Variants in TEX2 observed in about 807,000 individuals in gnomAD.
TEX2 encodes testis expressed 2, also known as testis-expressed protein 2.
In TEX2, 53 loss-of-function variants were observed where a neutral mutation model predicts 106.9. That is an observed-to-expected ratio of 0.50 (90% confidence interval 0.40 to 0.62). TEX2 has a LOEUF of 0.62. Among genes scored for constraint, TEX2 ranks in the 20% least tolerant of loss-of-function variants. The pLI, the probability that TEX2 is intolerant of heterozygous loss-of-function variation, is 0.00. For missense variants in TEX2, 1,207 were observed against 1,379.0 expected, an observed-to-expected ratio of 0.88 and a Z score of 1.98; for synonymous variants, 523 against 534.8, an observed-to-expected ratio of 0.98 and a Z score of 0.30.
chr17:64,155,084 A>C, intron 8 of TEX2, 117 bp from the exon 9 acceptor site: 1 of 1,250,400 alleles, frequency 8.0e-7, no homozygotes, highest in Non-Finnish European at 1.0e-6. Context: ...TGTAACTGTT[A>C]ACTACATCTC....
Position 64,171,217 on chromosome 17 carries a change from A to G in TEX2, c.2572-18T>C, listed in dbSNP as rs776743030. ...TAGGGGAGCTAGAGGAAACAAGCAAACAATGAGTGAGACCCATGAGCAACC... is the reference window on the plus strand; with the variant it reads ...TAGGGGAGCTAGAGGAAACAAGCAAGCAATGAGTGAGACCCATGAGCAACC... On this transcript the variant is annotated intron_variant, in intron 6 of 11. Coordinates refer to ENST00000584379, the MANE Select transcript of TEX2 (RefSeq NM_001288732.2). 1 of 1,604,780 alleles carries G rather than the reference A, an allele frequency of 6.2e-7. No individual in the cohort carries two copies. The highest frequency in any genetic ancestry group is 1.1e-5 in the South Asian group (1 of 90,754).
intron 5 of TEX2, among the ~76,000 whole-genome samples, chr17:64,186,197 A>C (rs1279737546): frequency 6.6e-6 from 1 of 152,128 alleles, no homozygotes; most frequent in Non-Finnish European, 1.5e-5. Context: ...TCTCCTCTTG[A>C]TTTTCTTGAG....
At chr17:64,260,623 C>G (rs923139571) in intron 1 of TEX2, among the ~76,000 whole-genome samples, 7 of 152,180 alleles carry the variant, frequency 4.6e-5, no homozygotes, top group Admixed American at 6.5e-5. Flanking sequence ...GAGGGCTGCT[C>G]TAGGACTGGA....
chr17:64,161,014 C>G, intron 7 of TEX2, 81 bp from the exon 8 acceptor site: 1 of 1,459,484 alleles, frequency 6.9e-7, no homozygotes, highest in Non-Finnish European at 9.4e-7. Flanking sequence ...TTAAAAATAT[C>G]TAAATAGGCA....
At chr17:64,149,322 G>A (rs1298829523) in intron 11 of TEX2, 2 of 482,356 alleles carry the variant, frequency 4.1e-6, no homozygotes, top group African/African-American at 3.9e-5. Context: ...GGCAGAAGTG[G>A]CCTTTGATTT....
At chr17:64,199,378 A>G (rs1367061229) in intron 2 of TEX2, among the ~76,000 whole-genome samples, 4 of 152,138 alleles carry the variant, frequency 2.6e-5, no homozygotes, top group African/African-American at 9.7e-5. Flanking sequence ...CTGGGATTAC[A>G]GGTGTGTGCC....
intron 8 of TEX2, among the ~76,000 whole-genome samples, chr17:64,158,769 G>A (rs992189748): frequency 1.3e-5 from 2 of 152,142 alleles, no homozygotes; most frequent in Non-Finnish European, 1.5e-5. Context: ...TCAGGTTCCC[G>A]AAAGGGTCCT....
intron 6 of TEX2, among the ~76,000 whole-genome samples, chr17:64,176,219 C>CACT (rs1366534937): frequency 6.6e-6 from 1 of 152,162 alleles, no homozygotes; most frequent in Non-Finnish European, 1.5e-5. Flanking sequence ...GAAGAAGGGA[C>CACT]ACTGGCCCAC....
intron 1 of TEX2, among the ~76,000 whole-genome samples, chr17:64,235,084 GAAC>G (rs1239521620): frequency 1.3e-5 from 2 of 152,150 alleles, no homozygotes; most frequent in Non-Finnish European, 2.9e-5. Flanking sequence ...GAACCAACAA[GAAC>G]AACAATCAAC....
rs2031667189 is a variant in TEX2 at position 64,177,599 on chromosome 17, C to T, written c.2425-128G>A. 23 of 969,490 alleles carry T rather than the reference C, an allele frequency of 2.4e-5. No homozygotes were observed. In the South Asian group the frequency reaches 3.9e-4, roughly 16 times the overall value. The allele number at this position is 969,490 out of a possible 1,614,324, so 60.1% of individuals were successfully genotyped here. A position where few individuals can be genotyped will look rare whatever the true frequency, so the allele number is the denominator to read the frequency against. On this transcript the variant is annotated intron_variant, in intron 5 of 11. Coordinates refer to ENST00000584379, the MANE Select transcript of TEX2 (RefSeq NM_001288732.2). ...GAGACCACACGAGTCATACTCCTTC[C>T]CTATAAATTACAAGTCCCACATTGT...
chr17:64,168,653 A>C (rs1343201601), intron 7 of TEX2, among the ~76,000 whole-genome samples: 1 of 152,194 alleles, frequency 6.6e-6, no homozygotes, highest in Admixed American at 6.5e-5. Flanking sequence ...AAATTCAGCA[A>C]AGGGCAGTCC....
chr17:64,241,538 C>T (rs183873613), intron 1 of TEX2, among the ~76,000 whole-genome samples: 12 of 152,292 alleles, frequency 7.9e-5, no homozygotes, highest in African/African-American at 2.4e-4. Flanking sequence ...AAAATAACAG[C>T]GGGTCTCAGC....
rs1241437866 is a variant in TEX2 at position 64,152,952 on chromosome 17, G to A, written c.3133C>T (p.Arg1045Ter). The A allele has an allele frequency of 3.1e-6, 5 of 1,614,008 alleles. No homozygotes were observed. The highest frequency in any genetic ancestry group is 3.3e-5 in the Admixed American group (2 of 59,988). Residue 1045 changes from arginine (R) to a stop codon, truncating the protein, a stop_gained, in exon 10 of 12, where the codon CGA (arginine) becomes TGA (stop). Transcript: ENST00000584379. LOFTEE classifies it high-confidence loss of function. ...TGAGGGCCCTCTACGCACCATACTCGGTCAGTCGGGGGTGGTGGAATGTTG... is the reference window on the plus strand; with the variant it reads ...TGAGGGCCCTCTACGCACCATACTCAGTCAGTCGGGGGTGGTGGAATGTTG... ...AVNIPPPPTD[R>*]VWYGFRKPPH... is the part of the protein sequence containing the mutation.
intron 1 of TEX2, among the ~76,000 whole-genome samples, chr17:64,256,923 T>C (rs1254502040): frequency 6.6e-6 from 1 of 152,190 alleles, no homozygotes; most frequent in Non-Finnish European, 1.5e-5. Context: ...GAAAATTGAA[T>C]AAGAAAACAA....
intron 2 of TEX2, among the ~76,000 whole-genome samples, chr17:64,207,608 C>T (rs1555630911): frequency 1.3e-5 from 2 of 152,158 alleles, no homozygotes; most frequent in Admixed American, 1.3e-4. Flanking sequence ...AGTTCACAGG[C>T]CTGTTTTATA....
rs551385515 is a variant in TEX2 at position 64,222,246 on chromosome 17, C to T, written c.-25-8004G>A. Among the ~76,000 whole-genome samples the T allele has an allele frequency of 3.7e-4, 56 of 152,092 alleles. 1 individual carries two copies. The highest frequency in any genetic ancestry group is 1.2e-3 in the African/African-American group (48 of 41,478). ...TTTTAAAAAGCAAAAATTGGTCAGG[C>T]GCGGTGGCTCACGCTTGTAATCTCA... On this transcript the variant is annotated intron_variant, in intron 1 of 11. Transcript: ENST00000584379.
At chr17:64,177,057 C>A (rs1017097664) in intron 6 of TEX2, among the ~76,000 whole-genome samples, 2 of 152,128 alleles carry the variant, frequency 1.3e-5, no homozygotes, top group African/African-American at 4.8e-5. Context: ...CACATTTTCC[C>A]AAACTAAATT....
rs1247824684 is a variant in TEX2, at chr17:64,205,120, G to A, written c.1644+7454C>T. The stretch of plus-strand genomic sequence containing the variant: ...CTGCCTCTCCAACTTCAACACAAGG[G>A]GTACCTTCTGGTAAGTGAGGGCTGC... On this transcript the variant is annotated intron_variant, in intron 2 of 11. Transcript: ENST00000584379. The surrounding 1 kb of genome is among the most constrained non-coding windows in gnomAD (Gnocchi z 4.0). 1.3e-5 allele frequency among the ~76,000 whole-genome samples: 2 copies of A among 152,100 alleles called. No individual in the cohort carries two copies. Among genetic ancestry groups the A allele is most frequent in the Non-Finnish European group, 2.9e-5 (2 of 68,034 alleles).
chr17:64,207,973 A>T (rs1021505075), intron 2 of TEX2, among the ~76,000 whole-genome samples: 3 of 151,988 alleles, frequency 2.0e-5, no homozygotes, highest in Non-Finnish European at 4.4e-5. Context: ...TGACCTCGTG[A>T]TCCACCCGCC....
Sources: allele counts gnomAD v4.1 joint callset (sites outside exome capture counted in the v4.1 genomes callset), GRCh38; gene constraint gnomAD v4.1.1; non-coding constraint Gnocchi (gnomAD v3.1); transcripts MANE v1.5; gene names NCBI Gene and HGNC (gene_info 2026-07-23, HGNC 2026-07-21).